The following KCNG2 variants were observed in gnomAD, a reference collection of about 807,000 sequenced individuals.
KCNG2 encodes the protein voltage-gated potassium channel regulatory subunit KCNG2.
Under a neutral mutation model 12.3 loss-of-function variants are expected in KCNG2, and 7 were observed. That is an observed-to-expected ratio of 0.57 (90% CI 0.32 to 1.07). The LOEUF is 1.07. Among genes scored for constraint, KCNG2 ranks in the 50% least tolerant of loss-of-function variants. The pLI, the probability that KCNG2 is intolerant of heterozygous loss-of-function variation, is 0.04. For missense variants in KCNG2, 703 were observed against 726.0 expected (o/e 0.97, Z 0.36); for synonymous variants, 414 against 351.4 (o/e 1.18, Z -1.99).
At chr18:79,863,540 G>C in intron 2 of KCNG2, 88 bp from the exon 3 acceptor site, 1 of 1,050,566 alleles carries the variant, frequency 9.5e-7, no homozygotes, top group South Asian at 4.8e-5. Flanking sequence ...CGAGGGTTCG[G>C]TGCCGGCCCG....
At position 79,822,659 on chromosome 18, in the gene KCNG2, G is replaced by C. The variant is rs1219134430; in HGVS notation, c.-115+24645G>C. Among the ~76,000 whole-genome samples the C allele has an allele frequency of 6.6e-6, 1 of 152,108 alleles. No homozygotes were observed. Among genetic ancestry groups the C allele is most frequent in the Non-Finnish European group, 1.5e-5 (1 of 68,012 alleles). On this transcript the variant is annotated intron_variant, in intron 1 of 3. Coordinates refer to ENST00000316249, the MANE Select transcript of KCNG2 (RefSeq NM_012283.2). The surrounding 1 kb of genome is among the most constrained non-coding windows in gnomAD (Gnocchi z 4.4). Reference sequence around the variant, plus strand: ...TTGCCCCGGCAGGTCTTGAACTCCTGACCTCAAGGGATCCACCCACCCCGG... The same window carrying C: ...TTGCCCCGGCAGGTCTTGAACTCCTCACCTCAAGGGATCCACCCACCCCGG...
intron 3 of KCNG2, among the ~76,000 whole-genome samples, chr18:79,894,560 G>A (rs1472518514): frequency 2.6e-5 from 4 of 152,248 alleles, no homozygotes; most frequent in Non-Finnish European, 5.9e-5. Flanking sequence ...TGATATAGTT[G>A]GGTCTGTGTC....
chr18:79,825,930 G>T (rs958298892), intron 1 of KCNG2, among the ~76,000 whole-genome samples: 3 of 152,218 alleles, frequency 2.0e-5, no homozygotes, highest in African/African-American at 7.2e-5. Context: ...GTGGGAGCGC[G>T]GACACCTGTC....
In KCNG2 at chr18:79,797,983, G is replaced by A. The variant is rs1271178818; in HGVS notation, c.-146G>A. 4.0e-5 allele frequency among the ~76,000 whole-genome samples: 6 copies of A among 151,696 alleles called. No homozygotes were observed. In the East Asian group the frequency reaches 5.8e-4, roughly 15 times the overall value. ...CGAGGAGGCCGCCGGCCGGGTAAGCGGAGCCCGGAGCTCGCGGAGTCTGGA... is the reference window on the plus strand; with the variant it reads ...CGAGGAGGCCGCCGGCCGGGTAAGCAGAGCCCGGAGCTCGCGGAGTCTGGA... On this transcript the variant is annotated 5_prime_UTR_variant, in exon 1 of 4. Coordinates refer to ENST00000316249, the MANE Select transcript of KCNG2 (RefSeq NM_012283.2).
chr18:79,898,473 C>A (rs1981058406), intron 3 of KCNG2, among the ~76,000 whole-genome samples: 1 of 152,192 alleles, frequency 6.6e-6, no homozygotes, highest in South Asian at 2.1e-4. Flanking sequence ...CCACCGGACT[C>A]CCCAAGGACG....
chr18:79,872,521 G>A (rs547687278), intron 3 of KCNG2, among the ~76,000 whole-genome samples: 27 of 152,278 alleles, frequency 1.8e-4, no homozygotes, highest in African/African-American at 6.5e-4. Flanking sequence ...CTGACCTCAG[G>A]TGATACACGC....
intron 1 of KCNG2, among the ~76,000 whole-genome samples, chr18:79,851,480 C>T (rs1599392322): frequency 6.6e-6 from 1 of 152,152 alleles, no homozygotes; most frequent in South Asian, 2.1e-4. Context: ...CCGGCTGGAG[C>T]GCCTCCGACA....
chr18:79,837,957 C>T (rs1352890102), intron 1 of KCNG2, among the ~76,000 whole-genome samples: 5 of 152,182 alleles, frequency 3.3e-5, no homozygotes, highest in African/African-American at 1.2e-4. Context: ...TTAATTGACC[C>T]ACAATTCCAC....
chr18:79,865,632 CTG>C (rs2054143620), intron 3 of KCNG2, among the ~76,000 whole-genome samples: 1 of 128,458 alleles, frequency 7.8e-6, no homozygotes, highest in South Asian at 2.6e-4. Context: ...GTGCTGAGGT[CTG>C]TGTTCTGAGA....
chr18:79,881,915 C>A lies in KCNG2; in HGVS notation c.625-17125C>A, dbSNP rs150618816. Among the ~76,000 whole-genome samples, 664 of 152,288 alleles carry A rather than the reference C, an allele frequency of 4.4e-3. 4 individuals carry two copies. Among genetic ancestry groups the A allele is most frequent in the African/African-American group, 0.015 (616 of 41,552 alleles). On this transcript the variant is annotated intron_variant, in intron 3 of 3. Coordinates refer to ENST00000316249, the MANE Select transcript of KCNG2 (RefSeq NM_012283.2). ...CAGGAATAGAACCACATGAATGGGG[C>A]CAGCCGGCGTTTGGCAAAGTGAAAA...
intron 1 of KCNG2, among the ~76,000 whole-genome samples, chr18:79,820,516 T>G (rs2087562835): frequency 6.6e-6 from 1 of 152,200 alleles, no homozygotes; most frequent in East Asian, 1.9e-4. Context: ...ATAGCTCATA[T>G]CTGCATTTTC....
chr18:79,800,001 A>G lies in KCNG2; in HGVS notation c.-115+1987A>G, dbSNP rs2087394851. Among the ~76,000 whole-genome samples the G allele has an allele frequency of 6.6e-6, 1 of 152,072 alleles. No homozygotes were observed. The highest frequency in any genetic ancestry group is 2.4e-5 in the African/African-American group (1 of 41,384). Reference sequence around the variant, plus strand: ...CTTGGGTTCTGAATGTCTCGGGAGGATCTGCGCAGCTTTGTTGTTCTTTTG... The same window carrying G: ...CTTGGGTTCTGAATGTCTCGGGAGGGTCTGCGCAGCTTTGTTGTTCTTTTG... On this transcript the variant is annotated intron_variant, in intron 1 of 3. Coordinates refer to ENST00000316249, the MANE Select transcript of KCNG2 (RefSeq NM_012283.2). The surrounding 1 kb of genome is among the most constrained non-coding windows in gnomAD (Gnocchi z 4.0).
chr18:79,810,924 C>A (rs537991800), intron 1 of KCNG2, among the ~76,000 whole-genome samples: 3 of 152,060 alleles, frequency 2.0e-5, no homozygotes, highest in Non-Finnish European at 4.4e-5. Flanking sequence ...CAAAACTCAG[C>A]GTGTTGTTGT....
intron 1 of KCNG2, among the ~76,000 whole-genome samples, chr18:79,821,741 T>C (rs80025782): frequency 6.6e-6 from 1 of 152,088 alleles, no homozygotes; most frequent in Non-Finnish European, 1.5e-5. Flanking sequence ...CACTTGATCA[T>C]AGGTGTAGGG....
intron 1 of KCNG2, among the ~76,000 whole-genome samples, chr18:79,821,245 T>C (rs567946335): frequency 6.6e-6 from 1 of 152,132 alleles, no homozygotes; most frequent in African/African-American, 2.4e-5. Flanking sequence ...AGTTTTATAG[T>C]TTTATCTGTA....
chr18:79,827,849 C>A (rs1978287336), intron 1 of KCNG2, among the ~76,000 whole-genome samples: 1 of 152,138 alleles, frequency 6.6e-6, no homozygotes, highest in South Asian at 2.1e-4. Context: ...CAATTATAAT[C>A]CTTTTACCTA....
At chr18:79,895,679 C>T (rs995313561) in intron 3 of KCNG2, among the ~76,000 whole-genome samples, 16 of 118,542 alleles carry the variant, frequency 1.3e-4, no homozygotes, top group Non-Finnish European at 2.2e-4. Context: ...TCTAATGTTA[C>T]GATTGATATA....
intron 3 of KCNG2, among the ~76,000 whole-genome samples, chr18:79,872,367 T>C (rs1183197208): frequency 7.4e-6 from 1 of 134,346 alleles, no homozygotes; most frequent in Non-Finnish European, 1.6e-5. Flanking sequence ...CTTACTGCAA[T>C]CTCCACCTCC....
chr18:79,889,232 A>G (rs1980662070), intron 3 of KCNG2, among the ~76,000 whole-genome samples: 1 of 152,144 alleles, frequency 6.6e-6, no homozygotes, highest in Non-Finnish European at 1.5e-5. Context: ...TTTGTCGTGA[A>G]GATTTTACCC....
Sources: allele counts gnomAD v4.1 joint callset (sites outside exome capture counted in the v4.1 genomes callset), GRCh38; gene constraint gnomAD v4.1.1; non-coding constraint Gnocchi (gnomAD v3.1); transcripts MANE v1.5; gene names NCBI Gene and HGNC (gene_info 2026-07-23, HGNC 2026-07-21).